MAPT: variants seen among roughly 807,000 people sequenced by gnomAD.
The protein encoded by MAPT is microtubule-associated protein tau.
Under a neutral mutation model 67.9 loss-of-function variants are expected in MAPT, and 34 were observed. The observed-to-expected ratio is 0.50, with a 90% CI of 0.38 to 0.67. The LOEUF (loss-of-function observed/expected upper bound fraction) is 0.67. MAPT is among the 30% of genes least tolerant of loss of function. The pLI is 0.00. For missense variants in MAPT, 881 were observed against 1,115.2 expected (o/e 0.79, Z 2.99); for synonymous variants, 456 against 464.5 (o/e 0.98, Z 0.23).
chr17:45,899,634 C>G (rs890503570), intron 1 of MAPT, among the ~76,000 whole-genome samples: 2 of 152,196 alleles, frequency 1.3e-5, no homozygotes, highest in African/African-American at 4.8e-5. Context: ...CAGATATGAT[C>G]TATAACATTG....
At chr17:45,948,041 C>G (rs1568217874) in intron 1 of MAPT, among the ~76,000 whole-genome samples, 1 of 151,914 alleles carries the variant, frequency 6.6e-6, no homozygotes, top group African/African-American at 2.4e-5. Context: ...GAGTCTTACT[C>G]TGTCACCCAG....
At chr17:45,998,714 T>C (rs974206697) in intron 9 of MAPT, among the ~76,000 whole-genome samples, 2 of 152,148 alleles carry the variant, frequency 1.3e-5, no homozygotes, top group Non-Finnish European at 2.9e-5. Context: ...CTCTGTCCTG[T>C]ACCGCAGCTG....
In MAPT at chr17:45,966,720, T is replaced by C. The variant is rs1472323312; in HGVS notation, c.133+4250T>C. ...GTTAGTGTTTGAGTTGCCTAAAATA[T>C]GTTTGCTAAAACTATTCAAAGCTTT... On this transcript the variant is annotated intron_variant, in intron 2 of 12. Transcript: ENST00000262410. 3.9e-5 allele frequency among the ~76,000 whole-genome samples: 6 copies of C among 152,252 alleles called. No homozygotes were observed. In the East Asian group the frequency reaches 1.2e-3, roughly 29 times the overall value.
chr17:45,983,406 CG>C lies in MAPT; in HGVS notation c.828del (p.Pro277ArgfsTer2). The C allele has an allele frequency of 1.9e-6, 3 of 1,607,268 alleles. 1 individual carries two copies. The South Asian group carries it at 3.3e-5, about 18-fold the overall frequency. On this transcript the variant is annotated frameshift_variant, in exon 5 of 13. Transcript: ENST00000262410. LOFTEE classifies it high-confidence loss of function. Reference protein sequence around the residue: ...QLLGDLHQEGPPLKGAGGKER... With the variant: ...QLLGDLHQEGXPLKGAGGKER... Reference sequence around the variant, plus strand: ...CTAGGAGACCTGCACCAGGAGGGGCCGCCGCTGAAGGGGGCAGGGGGCAAAG... The same window carrying C: ...CTAGGAGACCTGCACCAGGAGGGGCCCCGCTGAAGGGGGCAGGGGGCAAAG...
intron 2 of MAPT, among the ~76,000 whole-genome samples, chr17:45,969,466 C>G (rs1322101598): frequency 6.6e-6 from 1 of 151,760 alleles, no homozygotes; most frequent in Admixed American, 6.6e-5. Context: ...ATCCATCCAT[C>G]CCTTCATCCA....
Position 46,025,924 on chromosome 17 carries a change from T to C in MAPT, c.*1753T>C. On this transcript the variant is annotated 3_prime_UTR_variant, in exon 13 of 13. Transcript: ENST00000262410. ...GGGGAACACACCCCCTTGGAAATGG[T>C]TCTTTTCCCCCAGTCCCAGCTGGAA... is the stretch of plus-strand genomic sequence containing the variant. The C allele has an allele frequency of 6.6e-6, 1 of 152,248 alleles. No homozygotes were observed. Among genetic ancestry groups the C allele is most frequent in the East Asian group, 1.9e-4 (1 of 5,172 alleles). The allele number at this position is 152,248 out of a possible 1,614,324, so 9.4% of individuals were successfully genotyped here. A position where few individuals can be genotyped will look rare whatever the true frequency, so the allele number is the denominator to read the frequency against.
chr17:45,963,828 G>C lies in MAPT; in HGVS notation c.133+1358G>C, dbSNP rs3785882. Among the ~76,000 whole-genome samples the C allele has an allele frequency of 5.9e-5, 9 of 152,254 alleles. No individual in the cohort carries two copies. In the East Asian group the frequency reaches 1.7e-3, roughly 29 times the overall value. On this transcript the variant is annotated intron_variant, in intron 2 of 12. Transcript: ENST00000262410. Reference sequence around the variant, plus strand: ...GGGAGTGGCCATCCCAGCTTGGAGAGGTTCCAGGACTGGTTGGGAGGCACG... The same window carrying C: ...GGGAGTGGCCATCCCAGCTTGGAGACGTTCCAGGACTGGTTGGGAGGCACG...
At chr17:46,007,029 T>C (rs1416799507) in intron 9 of MAPT, among the ~76,000 whole-genome samples, 1 of 150,264 alleles carries the variant, frequency 6.7e-6, no homozygotes, top group Non-Finnish European at 1.5e-5. Flanking sequence ...ACACAAGAAA[T>C]GATAAATGCT....
chr17:46,023,839 TCAAAAA>T, intron 12 of MAPT, 111 bp from the exon 13 acceptor site: 4 of 845,720 alleles, frequency 4.7e-6, no homozygotes, highest in Non-Finnish European at 7.9e-6. Context: ...AGACCCTGTC[TCAAAAA>T]CAAACAAAAA....
intron 8 of MAPT, among the ~76,000 whole-genome samples, chr17:45,992,275 C>T (rs1472884039): frequency 6.6e-6 from 1 of 152,226 alleles, no homozygotes; most frequent in Non-Finnish European, 1.5e-5. Flanking sequence ...CTCGGAGCCT[C>T]TCTGGCCCCA....
In MAPT at chr17:45,940,797, C is replaced by T. The variant is rs550952073; in HGVS notation, c.-17-21524C>T. Among the ~76,000 whole-genome samples, 4 of 152,200 alleles carry T rather than the reference C, an allele frequency of 2.6e-5. 1 individual carries two copies. The South Asian group carries it at 6.2e-4, about 24-fold the overall frequency. On this transcript the variant is annotated intron_variant, in intron 1 of 12. Coordinates refer to ENST00000262410, the MANE Select transcript of MAPT (RefSeq NM_001377265.1). ...ACTCAGAGGATGAAAATAGAATGAG[C>T]CCCCTTAAGAGGTAATGAGCTCCCT...
rs1289637580 is a variant in MAPT at position 46,010,272 on chromosome 17, G to A, written c.1999-38G>A. The stretch of plus-strand genomic sequence containing the variant: ...CTTGCGAGCAAGCAGGCGGGTCCAG[G>A]GTGGCGTGTCACTCATCCTTTTTTC... On this transcript the variant is annotated intron_variant, in intron 9 of 12. Coordinates refer to ENST00000262410, the MANE Select transcript of MAPT (RefSeq NM_001377265.1). This position sits in a 1 kb window ranked among gnomAD's most constrained non-coding sequence, Gnocchi z 4.7. 1 of 1,411,484 alleles carries A rather than the reference G, an allele frequency of 7.1e-7. No homozygotes were observed. The highest frequency in any genetic ancestry group is 2.0e-5 in the Admixed American group (1 of 50,900). 87.4% of individuals were successfully genotyped at this position (1,411,484 alleles called of 1,614,324 possible). A position where few individuals can be genotyped will look rare whatever the true frequency, so the allele number is the denominator to read the frequency against.
At chr17:45,975,934 ATTC>A (rs1332898402) in intron 3 of MAPT, 1 of 146,978 alleles carries the variant, frequency 6.8e-6, no homozygotes, top group East Asian at 1.9e-4. Flanking sequence ...CCTTATTTGA[ATTC>A]TTCTACTCTT....
At chr17:45,903,412 G>T (rs1032647398) in intron 1 of MAPT, among the ~76,000 whole-genome samples, 1 of 152,010 alleles carries the variant, frequency 6.6e-6, no homozygotes, top group East Asian at 1.9e-4. Flanking sequence ...GACTTCTTGG[G>T]TAATTAATCA....
intron 1 of MAPT, among the ~76,000 whole-genome samples, chr17:45,961,940 AATT>A (rs2070470840): frequency 6.6e-6 from 1 of 151,630 alleles, no homozygotes; most frequent in Non-Finnish European, 1.5e-5. Context: ...ATGCCTGGCT[AATT>A]ATTGTATTTT....
intron 1 of MAPT, among the ~76,000 whole-genome samples, chr17:45,904,011 TATTATATA>T (rs2063935973): frequency 3.9e-5 from 1 of 25,452 alleles, no homozygotes; most frequent in Non-Finnish European, 7.2e-5. Flanking sequence ...ATATTATATA[TATTATATA>T]TTATATATTT....
intron 10 of MAPT, among the ~76,000 whole-genome samples, chr17:46,012,893 C>T (rs2075915595): frequency 6.6e-6 from 1 of 152,020 alleles, no homozygotes; most frequent in South Asian, 2.1e-4. Flanking sequence ...CAGCTCTCTC[C>T]AAGCCAGGCC....
Position 46,028,099 on chromosome 17 carries a change from C to T in MAPT, c.*3928C>T, listed in dbSNP as rs2076895855. ...CCCTGGGCACTGGCCTAGAGCCTCA[C>T]CTCCTAATAGACTTAGCCCCATGAG... is the stretch of plus-strand genomic sequence containing the variant. On this transcript the variant is annotated 3_prime_UTR_variant, in exon 13 of 13. Coordinates refer to ENST00000262410, the MANE Select transcript of MAPT (RefSeq NM_001377265.1). 1 of 150,442 alleles carries T rather than the reference C, an allele frequency of 6.6e-6. No homozygotes were observed. Among genetic ancestry groups the T allele is most frequent in the South Asian group, 2.1e-4 (1 of 4,770 alleles). The allele number at this position is 150,442 out of a possible 1,614,324, so 9.3% of individuals were successfully genotyped here.
At chr17:46,005,671 C>G (rs1215360396) in intron 9 of MAPT, among the ~76,000 whole-genome samples, 2 of 152,098 alleles carry the variant, frequency 1.3e-5, no homozygotes, top group Non-Finnish European at 2.9e-5. Flanking sequence ...TGAATTGATT[C>G]AAAGACTTGT....
Sources: gnomAD v4.1 joint callset for allele counts (sites outside exome capture counted in the v4.1 genomes callset) on GRCh38, gnomAD v4.1.1 for gene constraint, Gnocchi (gnomAD v3.1) non-coding constraint, MANE v1.5 for transcripts, NCBI Gene and HGNC (gene_info 2026-07-23, HGNC 2026-07-21) for gene names.